Variants in NAV3 observed in about 807,000 individuals in gnomAD.
NAV3 encodes pore membrane and/or filament interacting like protein 1.
Under a neutral mutation model 244.7 loss-of-function variants are expected in NAV3, and 87 were observed. The observed-to-expected ratio is 0.36, with a 90% CI of 0.30 to 0.42. The LOEUF (loss-of-function observed/expected upper bound fraction) is 0.42, where lower values mean the gene tolerates loss of function less well. Ranked by LOEUF, NAV3 falls within the 20% of genes least tolerant of loss-of-function variation. NAV3 has a pLI of 1.00. For missense variants in NAV3, 2,663 were observed against 2,893.3 expected (o/e 0.92, Z 1.83); for synonymous variants, 1,126 against 1,042.2 (o/e 1.08, Z -1.55).
intron 38 of NAV3, among the ~76,000 whole-genome samples, chr12:78,201,093 G>A (rs1477912702): frequency 2.1e-5 from 1 of 47,750 alleles, no homozygotes; most frequent in African/African-American, 1.4e-4. Flanking sequence ...TTTTTTTTGA[G>A]ACAGGGTCTC....
At chr12:77,796,939 A>G (rs367712090) in intron 2 of NAV3, among the ~76,000 whole-genome samples, 2 of 152,230 alleles carry the variant, frequency 1.3e-5, no homozygotes, top group Middle Eastern at 3.4e-3. Flanking sequence ...AGTTTGTGTG[A>G]CTCACTATCA....
At chr12:77,762,866 A>G (rs1288500192) in intron 2 of NAV3, among the ~76,000 whole-genome samples, 1 of 152,190 alleles carries the variant, frequency 6.6e-6, no homozygotes, top group African/African-American at 2.4e-5. Flanking sequence ...TTGAAGCAAT[A>G]TGGACTTTAC....
chr12:78,058,607 C>T lies in NAV3; in HGVS notation c.2517-389C>T, dbSNP rs1035736245. ...ATATGGTGGAAGTTTAGGTTTTGAT[C>T]CATTACTCCTATGACCTCTTCAAAA... On this transcript the variant is annotated intron_variant, in intron 11 of 39. Coordinates refer to ENST00000397909, the MANE Select transcript of NAV3 (RefSeq NM_001024383.2). Among the ~76,000 whole-genome samples the T allele has an allele frequency of 2.0e-5, 3 of 152,218 alleles. No homozygotes were observed. The South Asian group carries it at 6.2e-4, about 32-fold the overall frequency.
chr12:77,706,870 C>CAA (rs34067727), intron 2 of NAV3, among the ~76,000 whole-genome samples: 84 of 68,022 alleles, frequency 1.2e-3, no homozygotes, highest in African/African-American at 2.2e-3. Context: ...GACTCTGTTT[C>CAA]AAAAAAAAAA....
At chr12:77,850,047 T>C (rs1877273487) in intron 1 of NAV3, among the ~76,000 whole-genome samples, 1 of 152,176 alleles carries the variant, frequency 6.6e-6, no homozygotes, top group African/African-American at 2.4e-5. Flanking sequence ...TTATTGATAA[T>C]TATTGCTTAG....
At chr12:77,839,316 TCAC>T (rs1262709732) in intron 1 of NAV3, among the ~76,000 whole-genome samples, 1 of 152,232 alleles carries the variant, frequency 6.6e-6, no homozygotes, top group Non-Finnish European at 1.5e-5. Flanking sequence ...ATAATTTTCT[TCAC>T]CATATATCAA....
At chr12:77,835,968 A>C (rs1333796045) in intron 1 of NAV3, among the ~76,000 whole-genome samples, 2 of 151,884 alleles carry the variant, frequency 1.3e-5, no homozygotes, top group African/African-American at 4.8e-5. Flanking sequence ...CTAGTTCCAG[A>C]CTCTATGTCA....
At position 78,189,028 on chromosome 12, in the gene NAV3, T is replaced by A. The variant is rs1400673885; in HGVS notation, c.6055+251T>A. 3.9e-5 allele frequency among the ~76,000 whole-genome samples: 6 copies of A among 152,038 alleles called. No individual in the cohort carries two copies. In the East Asian group the frequency reaches 7.7e-4, roughly 20 times the overall value. ...AAGATTCAAGACTCACAAAAAGGAA[T>A]GTGATTTAGGAATTTCAAATTTCTG... On this transcript the variant is annotated intron_variant, in intron 33 of 39. Coordinates refer to ENST00000397909, the MANE Select transcript of NAV3 (RefSeq NM_001024383.2).
intron 9 of NAV3, chr12:78,037,318 A>T: frequency 1.4e-6 from 1 of 703,034 alleles, no homozygotes; most frequent in Non-Finnish European, 2.6e-6. Context: ...GGGACAGCTC[A>T]TCTGGATGAG....
intron 2 of NAV3, among the ~76,000 whole-genome samples, chr12:77,626,979 CA>C (rs1476542602): frequency 2.0e-5 from 3 of 151,970 alleles, no homozygotes; most frequent in African/African-American, 7.2e-5. Flanking sequence ...GAAAAAGGGA[CA>C]AAGGATATAC....
chr12:77,679,930 C>A (rs973381174), intron 2 of NAV3, among the ~76,000 whole-genome samples: 2 of 152,028 alleles, frequency 1.3e-5, no homozygotes, highest in South Asian at 2.1e-4. Context: ...AGCTTACCAT[C>A]GAACCAGAAG....
intron 18 of NAV3, chr12:78,130,582 C>A: frequency 5.5e-6 from 1 of 181,008 alleles, no homozygotes; most frequent in Admixed American, 5.2e-5. Flanking sequence ...CATCTTCTGT[C>A]TTTGTAGATC....
At chr12:78,178,816 T>G (rs1012237395) in intron 28 of NAV3, among the ~76,000 whole-genome samples, 2 of 151,432 alleles carry the variant, frequency 1.3e-5, no homozygotes, top group Non-Finnish European at 2.9e-5. Flanking sequence ...ATAAAACAAT[T>G]TTTTTGGCAA....
At chr12:77,965,326 T>G (rs1161981431) in intron 3 of NAV3, among the ~76,000 whole-genome samples, 3 of 152,118 alleles carry the variant, frequency 2.0e-5, no homozygotes, top group African/African-American at 7.2e-5. Flanking sequence ...ACCAATCATT[T>G]AAAATCCATG....
chr12:77,934,357 A>G lies in NAV3; in HGVS notation c.244-5962A>G, dbSNP rs114096729. On this transcript the variant is annotated intron_variant, in intron 1 of 39. Coordinates refer to ENST00000397909, the MANE Select transcript of NAV3 (RefSeq NM_001024383.2). ...CCTGTCCTGATTTCAAGTGCTCTCT[A>G]GGATCACTTCTTTCTTCCAGAAAAT... is the stretch of plus-strand genomic sequence containing the variant. Among the ~76,000 whole-genome samples, 1,266 of 152,172 alleles carry G rather than the reference A, an allele frequency of 8.3e-3. 19 individuals are homozygous for G. The highest frequency in any genetic ancestry group is 0.031 in the Middle Eastern group (9 of 294).
chr12:77,859,758 CAAAAA>C (rs61516625), intron 1 of NAV3, among the ~76,000 whole-genome samples: 22 of 68,726 alleles, frequency 3.2e-4, no homozygotes, highest in Non-Finnish European at 3.6e-4. Context: ...CTTTCAAATG[CAAAAA>C]AAAAAAAAAA....
At chr12:78,098,941 T>C (rs2138171890) in intron 12 of NAV3, among the ~76,000 whole-genome samples, 1 of 143,368 alleles carries the variant, frequency 7.0e-6, no homozygotes, top group East Asian at 2.0e-4. Flanking sequence ...CCACAATGCC[T>C]GAAAGTATCC....
At chr12:78,121,834 T>G (rs892507850) in intron 15 of NAV3, 106 bp from the exon 16 acceptor site, 1 of 1,402,798 alleles carries the variant, frequency 7.1e-7, no homozygotes, top group East Asian at 2.3e-5. Context: ...TGCTTTGTAG[T>G]TCAGTACATC....
chr12:78,194,314 G>C (rs1048156608), intron 34 of NAV3, among the ~76,000 whole-genome samples: 2 of 152,000 alleles, frequency 1.3e-5, no homozygotes, highest in East Asian at 3.9e-4. Context: ...ATCCTCCTCT[G>C]TTGTTTCTTG....
Sources: allele counts gnomAD v4.1 joint callset (sites outside exome capture counted in the v4.1 genomes callset), GRCh38; gene constraint gnomAD v4.1.1; transcripts MANE v1.5; gene names NCBI Gene and HGNC (gene_info 2026-07-23, HGNC 2026-07-21).